ANO7: variants seen among roughly 807,000 people sequenced by gnomAD.
ANO7 encodes anoctamin 7, also known as anoctamin-7.
Under a neutral mutation model 115.8 loss-of-function variants are expected in ANO7, and 114 were observed. That is an observed-to-expected ratio of 0.98 (90% CI 0.85 to 1.15). The LOEUF (loss-of-function observed/expected upper bound fraction) is 1.15, where lower values mean the gene tolerates loss of function less well. ANO7 is among the 50% of genes most tolerant of loss of function. The pLI is 0.00. For missense variants in ANO7, 1,302 were observed against 1,201.2 expected (o/e 1.08, Z -1.24); for synonymous variants, 550 against 498.2 (o/e 1.10, Z -1.38).
Position 241,217,897 on chromosome 2 carries a change from G to A in ANO7, c.2178+6G>A, listed in dbSNP as rs769361492. On this transcript the variant is annotated splice_donor_region_variant and intron_variant, in intron 20 of 24. Coordinates refer to ENST00000674324, the MANE Select transcript of ANO7 (RefSeq NM_001370694.2). ...ACCTGGCGGTCATCAGCAACGTGAG[G>A]CCCGGGCGGGAGCGCGGGGCGGGGC... 1.3e-6 allele frequency: 2 copies of A among 1,535,222 alleles called. No homozygotes were observed. The highest frequency in any genetic ancestry group is 8.7e-7 in the Non-Finnish European group (1 of 1,146,400).
the ANO7 span, among the ~76,000 whole-genome samples, chr2:241,232,610 T>C: frequency 6.6e-6 from 1 of 152,074 alleles, no homozygotes; most frequent in South Asian, 2.1e-4. Context: ...TTATATAGAA[T>C]AGTAGAGGGA....
intron 21 of ANO7, among the ~76,000 whole-genome samples, chr2:241,219,563 C>T (rs527728201): frequency 5.3e-5 from 8 of 151,536 alleles, no homozygotes; most frequent in Non-Finnish European, 1.2e-4. Flanking sequence ...AGCATACATT[C>T]TTTTCTTTTT....
At chr2:241,219,244 T>C (rs538086744) in intron 21 of ANO7, among the ~76,000 whole-genome samples, 1 of 152,362 alleles carries the variant, frequency 6.6e-6, no homozygotes, top group African/African-American at 2.4e-5. Flanking sequence ...AGTCTCCTAA[T>C]GTTGGAGCAA....
chr2:241,199,436 CA>C lies in ANO7; in HGVS notation c.417+14del. On this transcript the variant is annotated intron_variant, in intron 5 of 24. Transcript: ENST00000674324. ...GCTGCCCTTGCAGGTACGTGGGAGG[CA>C]TGGGGACAGGGTGGGCCTGGAGGTC... 1 of 1,613,170 alleles carries C rather than the reference CA, an allele frequency of 6.2e-7. No individual in the cohort carries two copies. The highest frequency in any genetic ancestry group is 8.5e-7 in the Non-Finnish European group (1 of 1,179,606).
chr2:241,216,685 C>G (rs2068836144), intron 19 of ANO7, among the ~76,000 whole-genome samples: 1 of 152,224 alleles, frequency 6.6e-6, no homozygotes, highest in Non-Finnish European at 1.5e-5. Context: ...GTCACCTTAC[C>G]AGGTGGTGGC....
chr2:241,206,724 T>C, intron 10 of ANO7, among the ~76,000 whole-genome samples: 1 of 28,588 alleles, frequency 3.5e-5, no homozygotes, highest in Non-Finnish European at 5.9e-5. Context: ...ACAGGAGTGC[T>C]CCCAGGCTGA....
chr2:241,218,204 G>A (rs775007290), intron 20 of ANO7, 35 bp from the exon 21 acceptor site: 1 of 1,331,894 alleles, frequency 7.5e-7, no homozygotes, highest in South Asian at 1.6e-5. Context: ...GGGGCGGAGC[G>A]GGGGCCGCCT....
rs774850275 is a variant in ANO7 at position 241,191,187 on chromosome 2, C to G, written c.109-7C>G. On this transcript the variant is annotated splice_polypyrimidine_tract_variant and splice_region_variant and intron_variant, in intron 2 of 24. Coordinates refer to ENST00000674324, the MANE Select transcript of ANO7 (RefSeq NM_001370694.2). ...TGATATGCTTCTCCATCCTCCATGC[C>G]TTCCAGCCAGGTGGACAGCAAGCGG... The G allele has an allele frequency of 6.2e-7, 1 of 1,613,918 alleles. No homozygotes were observed.
chr2:241,221,594 GT>G (rs1222255123), intron 21 of ANO7, among the ~76,000 whole-genome samples: 1 of 150,922 alleles, frequency 6.6e-6, no homozygotes, highest in Non-Finnish European at 1.5e-5. Context: ...GGCCAGGCTG[GT>G]CTCAAACTCC....
intron 21 of ANO7, among the ~76,000 whole-genome samples, chr2:241,218,861 G>A (rs368162121): frequency 4.6e-5 from 7 of 152,132 alleles, no homozygotes; most frequent in African/African-American, 1.4e-4. Context: ...ATCAGCTAAC[G>A]GTACAAAAAG....
chr2:241,238,590 G>A, the ANO7 span: 7 of 1,345,854 alleles, frequency 5.2e-6, no homozygotes, highest in Admixed American at 7.4e-5. The surrounding 1 kb of genome is among the most constrained non-coding windows in gnomAD (Gnocchi z 4.9). Context: ...CGACAGCCCC[G>A]CCTCTCACAT....
At chr2:241,236,983 G>GCC in the ANO7 span, among the ~76,000 whole-genome samples, 6 of 107,314 alleles carry the variant, frequency 5.6e-5, no homozygotes, top group East Asian at 8.3e-4. Flanking sequence ...ACCTTGGGGG[G>GCC]GGGGGGGGGG....
intron 2 of ANO7, among the ~76,000 whole-genome samples, chr2:241,190,688 G>A (rs931790403): frequency 1.3e-5 from 2 of 152,192 alleles, no homozygotes; most frequent in Admixed American, 6.5e-5. Flanking sequence ...GGGTGGACAC[G>A]GGACCCCTTC....
chr2:241,228,622 ACATCT>A (rs773542080), downstream of ANO7: 1 of 152,468 alleles, frequency 6.6e-6, no homozygotes, highest in Non-Finnish European at 1.5e-5. Context: ...ACCACCAGAA[ACATCT>A]CAATCAAGAG....
the ANO7 span, among the ~76,000 whole-genome samples, chr2:241,237,810 A>G: frequency 6.6e-6 from 1 of 152,374 alleles, no homozygotes; most frequent in Non-Finnish European, 1.5e-5. Context: ...TTCTATCAAA[A>G]TCAAAGTTTT....
At chr2:241,239,828 G>T in the ANO7 span, 1 of 1,612,666 alleles carries the variant, frequency 6.2e-7, no homozygotes. This position sits in a 1 kb window ranked among gnomAD's most constrained non-coding sequence, Gnocchi z 4.6. Context: ...ATCCTGCAGT[G>T]TTAAGAAGAG....
Position 241,188,874 on chromosome 2 carries a change from T to C in ANO7, c.-8+108T>C. The C allele has an allele frequency of 7.0e-7, 1 of 1,429,540 alleles. No homozygotes were observed. The highest frequency in any genetic ancestry group is 1.4e-5 in the South Asian group (1 of 72,418). 88.6% of individuals were successfully genotyped at this position (1,429,540 alleles called of 1,614,324 possible). A position where few individuals can be genotyped will look rare whatever the true frequency, so the allele number is the denominator to read the frequency against. ...ACCGGGACTTTCACACACCCTGGCCTGTGGGGAGGCAGTGCCAGGGCCCGC... is the reference window on the plus strand; with the variant it reads ...ACCGGGACTTTCACACACCCTGGCCCGTGGGGAGGCAGTGCCAGGGCCCGC... On this transcript the variant is annotated intron_variant, in intron 1 of 24. Coordinates refer to ENST00000674324, the MANE Select transcript of ANO7 (RefSeq NM_001370694.2). This position sits in a 1 kb window ranked among gnomAD's most constrained non-coding sequence, Gnocchi z 4.3.
At chr2:241,229,788 G>GCCTGGGCCCC, downstream of ANO7, 1 of 407,838 alleles carries the variant, frequency 2.5e-6, no homozygotes, top group Non-Finnish European at 4.1e-6. Context: ...CCGCCTGCCC[G>GCCTGGGCCCC]CCCACCCTCC....
chr2:241,207,748 C>G, intron 11 of ANO7, 78 bp downstream of exon 11: 1 of 1,344,362 alleles, frequency 7.4e-7, no homozygotes, highest in Non-Finnish European at 1.1e-6. Flanking sequence ...CTGGTCCTGA[C>G]TCTGCCTGCA....
Sources: gnomAD v4.1 joint callset for allele counts (sites outside exome capture counted in the v4.1 genomes callset) on GRCh38, gnomAD v4.1.1 for gene constraint, Gnocchi (gnomAD v3.1) non-coding constraint, MANE v1.5 for transcripts, NCBI Gene and HGNC (gene_info 2026-07-23, HGNC 2026-07-21) for gene names.